Variants in UTY observed in about 807,000 individuals in gnomAD.
The protein encoded by UTY is histone demethylase UTY.
UTY carries 12 observed loss-of-function variants against 32.5 expected under a neutral mutation model. That is an observed-to-expected ratio of 0.37 (90% CI 0.24 to 0.60). The LOEUF is 0.60. Ranked by LOEUF, UTY falls within the 20% of genes least tolerant of loss-of-function variation. The probability of loss-of-function intolerance (pLI) is 0.69; values close to 1 mark genes in which losing one functional copy is unlikely to be tolerated. For synonymous variants in UTY, 131 were observed against 103.4 expected (o/e 1.27, Z -1.62); for missense variants, 303 against 299.2 (o/e 1.01, Z -0.09).
Position 13,480,005 on chromosome Y carries a change from C to T in UTY, c.-340G>A, listed in dbSNP as rs2079565299. The T allele has an allele frequency of 1.1e-5, 1 of 90,283 alleles. No individual in the cohort carries two copies. Among genetic ancestry groups the T allele is most frequent in the Non-Finnish European group, 2.3e-5 (1 of 43,450 alleles). 22.5% of individuals were successfully genotyped at this position (90,283 alleles called of 400,897 possible). On this transcript the variant is annotated 5_prime_UTR_variant, in exon 1 of 30. Transcript: ENST00000545955. Reference sequence around the variant, plus strand: ...GCCGCCGCGACCTCCCCGCTCCCAACCACTTAGTTGTAGCCAATCTAGGCG... The same window carrying T: ...GCCGCCGCGACCTCCCCGCTCCCAATCACTTAGTTGTAGCCAATCTAGGCG...
intron 21 of UTY, among the ~76,000 whole-genome samples, chrY:13,309,273 C>A (rs781262138): frequency 1.8e-4 from 6 of 33,567 alleles, no homozygotes; most frequent in African/African-American, 6.9e-4. Flanking sequence ...CCTCACACTT[C>A]CCTATGTAAA....
intron 17 of UTY, among the ~76,000 whole-genome samples, chrY:13,347,646 C>T (rs1603427614): frequency 3.1e-5 from 1 of 32,095 alleles, no homozygotes; most frequent in Non-Finnish European, 7.6e-5. Context: ...GGCAAGAACC[C>T]GGGAGGCGGA....
At chrY:13,295,487 C>T in intron 27 of UTY, among the ~76,000 whole-genome samples, 1 of 33,528 alleles carries the variant, frequency 3.0e-5, no homozygotes, top group South Asian at 6.7e-4. Flanking sequence ...AGCATTATCT[C>T]TGTGCCCCCA....
chrY:13,288,922 T>C (rs2057590785), intron 27 of UTY, among the ~76,000 whole-genome samples: 1 of 33,483 alleles, frequency 3.0e-5, no homozygotes, highest in African/African-American at 1.2e-4. Flanking sequence ...GTTGAGGATA[T>C]AGTTAAAGAG....
chrY:13,366,483 G>A, intron 9 of UTY, 90 bp from the exon 10 acceptor site: 6 of 216,052 alleles, frequency 2.8e-5, no homozygotes, highest in Non-Finnish European at 3.9e-5. Context: ...TACTTTTTCA[G>A]TAATTTATTC....
chrY:13,300,744 G>C (rs2058336618), intron 25 of UTY, among the ~76,000 whole-genome samples: 1 of 33,093 alleles, frequency 3.0e-5, no homozygotes, highest in Non-Finnish European at 7.4e-5. Context: ...ATTTTGCTTT[G>C]TTTCTATATT....
At chrY:13,383,836 C>T in intron 8 of UTY, among the ~76,000 whole-genome samples, 2 of 32,419 alleles carry the variant, frequency 6.2e-5, no homozygotes, top group African/African-American at 1.2e-4. Context: ...GAAATGAAAG[C>T]GCAAATGTAG....
At chrY:13,302,553 G>A in intron 25 of UTY, among the ~76,000 whole-genome samples, 1 of 32,953 alleles carries the variant, frequency 3.0e-5, no homozygotes, top group Non-Finnish European at 7.4e-5. Context: ...AGTATCCTGA[G>A]TATGAAGAAC....
intron 6 of UTY, among the ~76,000 whole-genome samples, chrY:13,404,116 C>T: frequency 3.1e-5 from 1 of 32,596 alleles, no homozygotes; most frequent in East Asian, 7.9e-4. Flanking sequence ...AAACATAATC[C>T]CTCCACGAAA....
At chrY:13,252,233 C>T in intron 28 of UTY, among the ~76,000 whole-genome samples, 5 of 26,192 alleles carry the variant, frequency 1.9e-4, no homozygotes, top group Non-Finnish European at 3.6e-4. Context: ...TCACTTTAAA[C>T]AGCTGTTAAA....
intron 27 of UTY, among the ~76,000 whole-genome samples, chrY:13,296,175 A>G: frequency 3.0e-5 from 1 of 33,843 alleles, no homozygotes; most frequent in Non-Finnish European, 7.4e-5. Flanking sequence ...GGCAACACAG[A>G]CTTAACACCT....
At chrY:13,361,444 A>C in intron 10 of UTY, among the ~76,000 whole-genome samples, 1 of 33,304 alleles carries the variant, frequency 3.0e-5, no homozygotes, top group African/African-American at 1.2e-4. Flanking sequence ...AAAGAACTAT[A>C]GGGGAAATAA....
intron 2 of UTY, among the ~76,000 whole-genome samples, chrY:13,478,650 C>T (rs781455150): frequency 9.1e-5 from 3 of 33,103 alleles, no homozygotes; most frequent in Admixed American, 8.3e-4. Context: ...GTGAGCATGA[C>T]ACCTAAGAAA....
At chrY:13,343,705 G>A (rs767259799) in intron 17 of UTY, among the ~76,000 whole-genome samples, 9 of 33,152 alleles carry the variant, frequency 2.7e-4, no homozygotes, top group African/African-American at 1.1e-3. Flanking sequence ...GATATACGGT[G>A]AGGCATTGAA....
At chrY:13,350,565 T>TA (rs2062302329) in intron 17 of UTY, among the ~76,000 whole-genome samples, 1 of 33,371 alleles carries the variant, frequency 3.0e-5, no homozygotes, top group Non-Finnish European at 7.4e-5. Context: ...AGCTCTACTG[T>TA]GCCATCAGAT....
chrY:13,441,179 T>G (rs2075139012), intron 4 of UTY, among the ~76,000 whole-genome samples: 1 of 32,351 alleles, frequency 3.1e-5, no homozygotes. Flanking sequence ...TATTATACCA[T>G]TATATATTTT....
At chrY:13,240,911 T>C (rs554707004) in intron 28 of UTY, among the ~76,000 whole-genome samples, 2 of 30,375 alleles carry the variant, frequency 6.6e-5, no homozygotes, top group African/African-American at 2.6e-4. Flanking sequence ...GGAGGATTGC[T>C]TGAGACCAGT....
At chrY:13,352,734 GTA>G (rs2062518610) in intron 17 of UTY, among the ~76,000 whole-genome samples, 1 of 34,130 alleles carries the variant, frequency 2.9e-5, no homozygotes, top group Non-Finnish European at 7.3e-5. Context: ...GCCAAGGAAA[GTA>G]AAACTGTTAC....
At chrY:13,304,181 C>T in intron 24 of UTY, 1 of 112,445 alleles carries the variant, frequency 8.9e-6, no homozygotes, top group Non-Finnish European at 1.9e-5. Flanking sequence ...AGAGAACTTA[C>T]CTGTGAAACT....
Sources: gnomAD v4.1 joint callset for allele counts (sites outside exome capture counted in the v4.1 genomes callset) on GRCh38, gnomAD v4.1.1 for gene constraint, MANE v1.5 for transcripts, NCBI Gene and HGNC (gene_info 2026-07-23, HGNC 2026-07-21) for gene names.